The following EPHA3 variants were observed in gnomAD, a reference collection of about 807,000 sequenced individuals.
EPHA3 encodes ephrin type-A receptor 3.
In EPHA3, 42 loss-of-function variants were observed where a neutral mutation model predicts 107.1. That is an observed-to-expected ratio of 0.39 (90% CI 0.31 to 0.51). The LOEUF (loss-of-function observed/expected upper bound fraction) is 0.51, where lower values mean the gene tolerates loss of function less well. EPHA3 is among the 20% of genes least tolerant of loss of function. The pLI is 0.78. For synonymous variants in EPHA3, 461 were observed against 424.8 expected, an observed-to-expected ratio of 1.09 and a Z score of -1.05; for missense variants, 1,183 against 1,211.2, an observed-to-expected ratio of 0.98 and a Z score of 0.35.
At position 89,475,070 on chromosome 3, in the gene EPHA3, G is replaced by A. The variant is rs142251214; in HGVS notation, c.2846+2451G>A. On this transcript the variant is annotated intron_variant, in intron 16 of 16. Coordinates refer to ENST00000336596, the MANE Select transcript of EPHA3 (RefSeq NM_005233.6). Reference sequence around the variant, plus strand: ...CACCTTTGCCCTAACACTCCTTCTTGAAAGGAGCTGCTTTTTTCCTTGAGT... The same window carrying A: ...CACCTTTGCCCTAACACTCCTTCTTAAAAGGAGCTGCTTTTTTCCTTGAGT... 2.7e-3 allele frequency among the ~76,000 whole-genome samples: 406 copies of A among 152,186 alleles called. 2 individuals are homozygous for A. The highest frequency in any genetic ancestry group is 9.4e-3 in the African/African-American group (390 of 41,530).
At chr3:89,310,514 A>G (rs1706739651) in intron 3 of EPHA3, among the ~76,000 whole-genome samples, 2 of 151,884 alleles carry the variant, frequency 1.3e-5, no homozygotes, top group African/African-American at 4.8e-5. Context: ...TTCTTATTGT[A>G]TACTTAGTTT....
At position 89,210,350 on chromosome 3, in the gene EPHA3, C is replaced by T. The variant is rs750948534; in HGVS notation, c.644C>T (p.Thr215Met). ...AAGAATCTGGCTATGTTTCCAGACA[C>T]GGTACCCATGGACTCCCAGTCCCTG... ...TVKNLAMFPDTVPMDSQSLVE... is the reference protein window; with the variant it reads ...TVKNLAMFPDMVPMDSQSLVE... The change falls in exon 3 of 17, where the codon ACG becomes ATG. Residue 215 changes from threonine (T) to methionine (M), a missense_variant. By Grantham distance (81) the Thr-to-Met change is moderately conservative (BLOSUM62 -1). Coordinates refer to ENST00000336596, the MANE Select transcript of EPHA3 (RefSeq NM_005233.6). 9 of 1,613,548 alleles carry T rather than the reference C, an allele frequency of 5.6e-6. No homozygotes were observed. The highest frequency in any genetic ancestry group is 4.5e-5 in the East Asian group (2 of 44,872).
At chr3:89,249,241 A>G (rs1201421367) in intron 3 of EPHA3, among the ~76,000 whole-genome samples, 2 of 152,074 alleles carry the variant, frequency 1.3e-5, no homozygotes, top group Non-Finnish European at 2.9e-5. Context: ...CTTCCTCATT[A>G]TTTTATAAGA....
intron 3 of EPHA3, among the ~76,000 whole-genome samples, chr3:89,303,349 C>T (rs367897827): frequency 1.3e-5 from 2 of 150,818 alleles, no homozygotes; most frequent in South Asian, 4.2e-4. Context: ...AAGCTTCTAT[C>T]CCAGCACCAG....
intron 3 of EPHA3, among the ~76,000 whole-genome samples, chr3:89,292,016 T>C (rs1375446751): frequency 6.6e-6 from 1 of 152,204 alleles, no homozygotes; most frequent in African/African-American, 2.4e-5. Flanking sequence ...AATGAAACTT[T>C]AGTCTCTCTG....
intron 2 of EPHA3, among the ~76,000 whole-genome samples, chr3:89,200,030 G>T (rs1345476367): frequency 2.0e-5 from 3 of 152,184 alleles, no homozygotes; most frequent in Non-Finnish European, 2.9e-5. Context: ...ATAGAGAAAT[G>T]AGTGAGTGTG....
At chr3:89,390,801 T>TTTTTTTTTG (rs1708713000) in intron 5 of EPHA3, among the ~76,000 whole-genome samples, 1 of 150,516 alleles carries the variant, frequency 6.6e-6, no homozygotes, top group Non-Finnish European at 1.5e-5. Context: ...TTTTTTTTTT[T>TTTTTTTTTG]GAGACAGAGT....
chr3:89,205,544 T>C (rs1475852021), intron 2 of EPHA3, among the ~76,000 whole-genome samples: 3 of 152,102 alleles, frequency 2.0e-5, no homozygotes, highest in Admixed American at 6.6e-5. Flanking sequence ...CAGAGAAAGA[T>C]GAAAATACAA....
At chr3:89,267,540 A>C (rs1367161536) in intron 3 of EPHA3, among the ~76,000 whole-genome samples, 1 of 152,180 alleles carries the variant, frequency 6.6e-6, no homozygotes, top group African/African-American at 2.4e-5. Context: ...GCCAGGAAGC[A>C]GAATAGCAAA....
intron 9 of EPHA3, 43 bp from the exon 10 acceptor site, chr3:89,413,098 C>G: frequency 1.9e-6 from 3 of 1,606,814 alleles, no homozygotes; most frequent in Non-Finnish European, 2.6e-6. Flanking sequence ...ATTGTTTGTA[C>G]AAATCTAGCT....
intron 2 of EPHA3, among the ~76,000 whole-genome samples, chr3:89,130,791 C>A (rs543347756): frequency 7.8e-4 from 119 of 152,220 alleles, no homozygotes; most frequent in African/African-American, 2.6e-3. Context: ...CCCGCCACCA[C>A]GCTCAGCTAA....
At chr3:89,270,568 G>T (rs992543478) in intron 3 of EPHA3, among the ~76,000 whole-genome samples, 1 of 152,060 alleles carries the variant, frequency 6.6e-6, no homozygotes, top group Non-Finnish European at 1.5e-5. Flanking sequence ...ATAATTAAAT[G>T]CATGACCTCT....
intron 3 of EPHA3, among the ~76,000 whole-genome samples, chr3:89,249,649 C>T (rs776119252): frequency 7.3e-4 from 111 of 151,904 alleles, no homozygotes; most frequent in Non-Finnish European, 2.7e-4. Context: ...TTTGTAGAGA[C>T]GAGGTTTCAC....
At chr3:89,257,897 T>C (rs1377057221) in intron 3 of EPHA3, among the ~76,000 whole-genome samples, 2 of 152,096 alleles carry the variant, frequency 1.3e-5, no homozygotes, top group African/African-American at 4.8e-5. Context: ...ACATGGATGC[T>C]AAGTTAAAGA....
At chr3:89,394,908 T>C (rs1559679566) in intron 5 of EPHA3, among the ~76,000 whole-genome samples, 2 of 152,322 alleles carry the variant, frequency 1.3e-5, no homozygotes, top group East Asian at 1.9e-4. Flanking sequence ...GACATTTCGA[T>C]TGGCGAGTGA....
intron 12 of EPHA3, among the ~76,000 whole-genome samples, chr3:89,429,642 G>A (rs184125551): frequency 4.1e-4 from 63 of 152,208 alleles, no homozygotes; most frequent in Middle Eastern, 6.8e-3. Flanking sequence ...TCATTTTGCT[G>A]TTAGATATGT....
intron 3 of EPHA3, among the ~76,000 whole-genome samples, chr3:89,319,350 T>C (rs532076787): frequency 6.6e-6 from 1 of 152,100 alleles, no homozygotes; most frequent in South Asian, 2.1e-4. Flanking sequence ...TGAAGTTTAT[T>C]TGTGTCAATG....
Position 89,479,582 on chromosome 3 carries a change from T to C in EPHA3, c.*80T>C. On this transcript the variant is annotated 3_prime_UTR_variant, in exon 17 of 17. Coordinates refer to ENST00000336596, the MANE Select transcript of EPHA3 (RefSeq NM_005233.6). ...TCATCCTGCAGACAGACAATAATTCTGGAGATACTGGTGGAAGTTCCAAGT... is the reference window on the plus strand; with the variant it reads ...TCATCCTGCAGACAGACAATAATTCCGGAGATACTGGTGGAAGTTCCAAGT... 1.9e-6 allele frequency: 2 copies of C among 1,068,242 alleles called. No homozygotes were observed. Among genetic ancestry groups the C allele is most frequent in the Non-Finnish European group, 2.8e-6 (2 of 703,578 alleles). 66.2% of individuals were successfully genotyped at this position (1,068,242 alleles called of 1,614,324 possible).
Position 89,451,184 on chromosome 3 carries a change from C to T in EPHA3, c.2690+814C>T, listed in dbSNP as rs1183004844. ...ATGTTAATACTCTGCAGCTGTAATG[C>T]AATCCTGGATGCACAAAGTCTATTT... is the stretch of plus-strand genomic sequence containing the variant. On this transcript the variant is annotated intron_variant, in intron 15 of 16. Transcript: ENST00000336596. 2.6e-5 allele frequency among the ~76,000 whole-genome samples: 4 copies of T among 152,232 alleles called. No homozygotes were observed. The South Asian group carries it at 8.3e-4, about 32-fold the overall frequency.
Sources: allele counts gnomAD v4.1 joint callset (sites outside exome capture counted in the v4.1 genomes callset), GRCh38; gene constraint gnomAD v4.1.1; transcripts MANE v1.5; gene names NCBI Gene and HGNC (gene_info 2026-07-23, HGNC 2026-07-21).